RNF216: variants seen among roughly 807,000 people sequenced by gnomAD.
RNF216 encodes the protein E3 ubiquitin-protein ligase RNF216.
Under a neutral mutation model 110.8 loss-of-function variants are expected in RNF216, and 72 were observed. The observed-to-expected ratio is 0.65, with a 90% CI of 0.54 to 0.79. The LOEUF is 0.79. RNF216 is among the 30% of genes least tolerant of loss of function. RNF216 has a pLI of 0.00. For synonymous variants in RNF216, 495 were observed against 407.5 expected, an observed-to-expected ratio of 1.21 and a Z score of -2.59; for missense variants, 1,342 against 1,141.2, an observed-to-expected ratio of 1.18 and a Z score of -2.54.
chr7:5,748,395 G>A (rs1345462898), intron 3 of RNF216, among the ~76,000 whole-genome samples: 1 of 152,150 alleles, frequency 6.6e-6, no homozygotes, highest in Non-Finnish European at 1.5e-5. Context: ...AAGTAGCTGG[G>A]ATTATAGGTG....
intron 1 of RNF216, among the ~76,000 whole-genome samples, chr7:5,761,837 C>A (rs1236566124): frequency 6.6e-6 from 1 of 151,320 alleles, no homozygotes; most frequent in East Asian, 1.9e-4. Flanking sequence ...GCAAAAAAGG[C>A]AAGTATGTAA....
intron 3 of RNF216, among the ~76,000 whole-genome samples, chr7:5,742,863 T>A (rs1034182876): frequency 6.6e-6 from 1 of 152,174 alleles, no homozygotes; most frequent in African/African-American, 2.4e-5. Flanking sequence ...CCCAAAGTGC[T>A]GGGATTACAG....
intron 1 of RNF216, among the ~76,000 whole-genome samples, chr7:5,774,289 C>T (rs1271699824): frequency 3.3e-5 from 5 of 152,084 alleles, no homozygotes; most frequent in Middle Eastern, 3.2e-3. Flanking sequence ...AAATTAGTTG[C>T]GGGTAGGTAG....
At chr7:5,739,481 G>A (rs755762293) in intron 4 of RNF216, 129 bp from the exon 5 acceptor site, 3 of 903,448 alleles carry the variant, frequency 3.3e-6, no homozygotes, top group Non-Finnish European at 5.3e-6. Flanking sequence ...GCAGGTCTGT[G>A]TGTGTCTTCA....
At chr7:5,687,529 A>G (rs1008337222) in intron 13 of RNF216, among the ~76,000 whole-genome samples, 9 of 152,178 alleles carry the variant, frequency 5.9e-5, no homozygotes, top group Non-Finnish European at 1.2e-4. Context: ...AAAGACTCTC[A>G]TATTGGCACT....
intron 3 of RNF216, among the ~76,000 whole-genome samples, chr7:5,751,393 C>T (rs575621769): frequency 1.3e-5 from 2 of 152,102 alleles, no homozygotes; most frequent in Admixed American, 1.3e-4. Context: ...GTGCACTAGA[C>T]CCCAAAAGAC....
At chr7:5,655,284 G>A (rs1788663450) in intron 13 of RNF216, among the ~76,000 whole-genome samples, 1 of 152,146 alleles carries the variant, frequency 6.6e-6, no homozygotes, top group Non-Finnish European at 1.5e-5. Flanking sequence ...CAGCCAGGGC[G>A]CTTCTTACTG....
intron 14 of RNF216, 53 bp from the exon 15 acceptor site, chr7:5,641,429 A>C: frequency 7.2e-7 from 1 of 1,383,930 alleles, no homozygotes; most frequent in Non-Finnish European, 1.0e-6. Flanking sequence ...GGAGGAAAAA[A>C]ATATGGCCAT....
chr7:5,777,970 G>A (rs1796876467), intron 1 of RNF216, among the ~76,000 whole-genome samples: 1 of 152,190 alleles, frequency 6.6e-6, no homozygotes, highest in Non-Finnish European at 1.5e-5. Context: ...TAAAATCAAC[G>A]TTTTCAACGA....
At chr7:5,731,913 T>A (rs1794112627) in intron 5 of RNF216, among the ~76,000 whole-genome samples, 1 of 145,038 alleles carries the variant, frequency 6.9e-6, no homozygotes, top group Non-Finnish European at 1.5e-5. Flanking sequence ...TTGGAGAGGT[T>A]CATTGATTCT....
chr7:5,697,835 G>C (rs1249990306), intron 13 of RNF216, among the ~76,000 whole-genome samples: 2 of 152,200 alleles, frequency 1.3e-5, no homozygotes, highest in Non-Finnish European at 1.5e-5. Context: ...TGGGAGGCAA[G>C]AAGGCCTTGA....
intron 13 of RNF216, among the ~76,000 whole-genome samples, chr7:5,706,000 T>C (rs1792262235): frequency 6.6e-6 from 1 of 151,390 alleles, no homozygotes; most frequent in Non-Finnish European, 1.5e-5. Context: ...GGTGGAGGAT[T>C]ACGAGGTCAG....
At chr7:5,705,380 T>A (rs1792216202) in intron 13 of RNF216, among the ~76,000 whole-genome samples, 1 of 152,222 alleles carries the variant, frequency 6.6e-6, no homozygotes, top group African/African-American at 2.4e-5. Flanking sequence ...GACCTCTGGC[T>A]TTCTCCCCAC....
At chr7:5,722,536 G>A (rs1448411190) in intron 8 of RNF216, among the ~76,000 whole-genome samples, 5 of 151,394 alleles carry the variant, frequency 3.3e-5, no homozygotes, top group Non-Finnish European at 7.4e-5. Context: ...GACTACAGGC[G>A]CCCGCCACCA....
At chr7:5,685,345 C>A (rs958467627) in intron 13 of RNF216, among the ~76,000 whole-genome samples, 3 of 152,160 alleles carry the variant, frequency 2.0e-5, no homozygotes, top group African/African-American at 7.2e-5. Flanking sequence ...CAGGAGGCCC[C>A]TTTCTGGGTC....
intron 14 of RNF216, among the ~76,000 whole-genome samples, chr7:5,645,696 T>G (rs998699606): frequency 2.4e-4 from 37 of 152,200 alleles, no homozygotes; most frequent in African/African-American, 7.9e-4. Context: ...GTTCAAATGA[T>G]TCTCCTGCTT....
At chr7:5,746,344 C>T (rs962079454) in intron 3 of RNF216, among the ~76,000 whole-genome samples, 13 of 152,170 alleles carry the variant, frequency 8.5e-5, no homozygotes, top group Non-Finnish European at 1.5e-4. Flanking sequence ...GTATTTTTTG[C>T]TCCCTCTTTG....
chr7:5,731,928 C>T (rs1227002780), intron 5 of RNF216, among the ~76,000 whole-genome samples: 1 of 152,140 alleles, frequency 6.6e-6, no homozygotes, highest in Non-Finnish European at 1.5e-5. Context: ...GATTCTGCAG[C>T]CCCCGCCGGG....
chr7:5,717,669 C>T (rs1793149005), intron 9 of RNF216, among the ~76,000 whole-genome samples: 1 of 152,144 alleles, frequency 6.6e-6, no homozygotes, highest in African/African-American at 2.4e-5. Context: ...AATGGTATAC[C>T]AGCCAGTTTC....
Sources: gnomAD v4.1 joint callset for allele counts (sites outside exome capture counted in the v4.1 genomes callset) on GRCh38, gnomAD v4.1.1 for gene constraint, MANE v1.5 for transcripts, NCBI Gene and HGNC (gene_info 2026-07-23, HGNC 2026-07-21) for gene names.